PRPF3: variants seen among roughly 807,000 people sequenced by gnomAD.
PRPF3 encodes the protein U4/U6 small nuclear ribonucleoprotein Prp3.
Under a neutral mutation model 89.2 loss-of-function variants are expected in PRPF3, and 3 were observed. The observed-to-expected ratio is 0.03, with a 90% CI of 0.02 to 0.09. PRPF3 has a LOEUF of 0.09. Ranked by LOEUF, PRPF3 falls within the 10% of genes least tolerant of loss-of-function variation. PRPF3 has a pLI of 1.00. For synonymous variants in PRPF3, 270 were observed against 289.1 expected, an observed-to-expected ratio of 0.93 and a Z score of 0.67; for missense variants, 463 against 828.8, an observed-to-expected ratio of 0.56 and a Z score of 5.42.
chr1:150,353,173 A>ATT lies in PRPF3; in HGVS notation c.*195_*196insTT. The ATT allele has an allele frequency of 1.5e-6, 1 of 646,442 alleles. No homozygotes were observed. The highest frequency in any genetic ancestry group is 2.8e-5 in the East Asian group (1 of 35,698). The allele number at this position is 646,442 out of a possible 1,614,324, so 40.0% of individuals were successfully genotyped here. A position where few individuals can be genotyped will look rare whatever the true frequency, so the allele number is the denominator to read the frequency against. On this transcript the variant is annotated 3_prime_UTR_variant, in exon 16 of 16. Coordinates refer to ENST00000324862, the MANE Select transcript of PRPF3 (RefSeq NM_004698.4). Reference sequence around the variant, plus strand: ...TGCCCTTTATTCCCCTTATGTGCATATGATTAAAGAGTTATTTTTAAACTT... The same window carrying ATT: ...TGCCCTTTATTCCCCTTATGTGCATATTTGATTAAAGAGTTATTTTTAAACTT...
chr1:150,343,887 A>G (rs2102011361), intron 10 of PRPF3, among the ~76,000 whole-genome samples: 1 of 152,318 alleles, frequency 6.6e-6, no homozygotes, highest in South Asian at 2.1e-4. Context: ...AGATGCTGTG[A>G]TCAGTGTGAA....
At chr1:150,340,680 C>A (rs1657597146) in intron 9 of PRPF3, among the ~76,000 whole-genome samples, 1 of 151,996 alleles carries the variant, frequency 6.6e-6, no homozygotes, top group Non-Finnish European at 1.5e-5. Context: ...TATTCCTGTG[C>A]TTAGAATTTC....
rs1264565144 is a variant in PRPF3 at position 150,332,236 on chromosome 1, G to A, written c.424-448G>A. Among the ~76,000 whole-genome samples the A allele has an allele frequency of 1.5e-3, 224 of 150,318 alleles. 1 individual carries two copies. The highest frequency in any genetic ancestry group is 2.3e-3 in the African/African-American group (94 of 41,048). On this transcript the variant is annotated intron_variant, in intron 4 of 15. Coordinates refer to ENST00000324862, the MANE Select transcript of PRPF3 (RefSeq NM_004698.4). ...GAGACTCCATCTCAAAAAAAAAAAA[G>A]AAAATTAAGTATAATATTTTGTGTA...
intron 7 of PRPF3, among the ~76,000 whole-genome samples, chr1:150,337,679 G>A (rs1657181996): frequency 1.3e-5 from 2 of 151,488 alleles, no homozygotes; most frequent in Non-Finnish European, 2.9e-5. Context: ...TCGGGAGGCT[G>A]AGTCAGGAGA....
At chr1:150,341,400 A>ATTT (rs1169772517) in intron 9 of PRPF3, among the ~76,000 whole-genome samples, 1,390 of 101,728 alleles carry the variant, frequency 0.014, 40 homozygotes, top group East Asian at 0.036. Context: ...AGTTGCTTCT[A>ATTT]TTTTTTTTTT....
intron 3 of PRPF3, chr1:150,327,689 T>C (rs1560087350): frequency 1.1e-6 from 1 of 937,022 alleles, no homozygotes; most frequent in Non-Finnish European, 1.3e-6. Context: ...TCCCTTCCAG[T>C]TGGCCACTCT....
Position 150,325,763 on chromosome 1 carries a change from CT to C in PRPF3, c.162del (p.Asp56MetfsTer36). 6.2e-7 allele frequency: 1 copy of C among 1,613,030 alleles called. No individual in the cohort carries two copies. The highest frequency in any genetic ancestry group is 1.1e-5 in the South Asian group (1 of 91,022). On this transcript the variant is annotated frameshift_variant, in exon 3 of 16. Coordinates refer to ENST00000324862, the MANE Select transcript of PRPF3 (RefSeq NM_004698.4). LOFTEE classifies it high-confidence loss of function. ...DKKKAADHLKPFLDDSTLRFV... is the reference protein window; with the variant it reads ...DKKKAADHLKXFLDDSTLRFV... ...TTCTTCCTGTCAGATCATCTGAAAC[CT>C]TTTCTTGATGATTCTACTCTCCGAT... is the stretch of plus-strand genomic sequence containing the variant.
chr1:150,331,474 C>T (rs782099241), intron 4 of PRPF3, among the ~76,000 whole-genome samples: 52 of 152,168 alleles, frequency 3.4e-4, no homozygotes, highest in Non-Finnish European at 6.9e-4. Flanking sequence ...AAGCGCTTCT[C>T]CTGCCTCAGC....
At chr1:150,344,818 C>A (rs1553872484) in intron 12 of PRPF3, among the ~76,000 whole-genome samples, 1 of 151,502 alleles carries the variant, frequency 6.6e-6, no homozygotes, top group Non-Finnish European at 1.5e-5. Flanking sequence ...TTGTTCAGGC[C>A]AAGATGTGAA....
rs1553872985 is a variant in PRPF3 at position 150,346,502 on chromosome 1, G to T, written c.1843+11G>T. On this transcript the variant is annotated intron_variant, in intron 14 of 15. Transcript: ENST00000324862. Reference sequence around the variant, plus strand: ...ACACAAAGGGAGATGGTGAATGGGGGTTAGAGGGGATTAAGGGGGAGAGCT... The same window carrying T: ...ACACAAAGGGAGATGGTGAATGGGGTTTAGAGGGGATTAAGGGGGAGAGCT... 3.7e-6 allele frequency: 6 copies of T among 1,604,148 alleles called. No homozygotes were observed. The highest frequency in any genetic ancestry group is 2.2e-5 in the East Asian group (1 of 44,832).
At chr1:150,337,940 G>C (rs1211017538) in intron 7 of PRPF3, among the ~76,000 whole-genome samples, 1 of 152,000 alleles carries the variant, frequency 6.6e-6, no homozygotes, top group Non-Finnish European at 1.5e-5. Context: ...TGAGGGTGGT[G>C]GCACATGCCT....
intron 15 of PRPF3, among the ~76,000 whole-genome samples, chr1:150,352,132 G>A (rs1459061454): frequency 1.3e-5 from 2 of 151,910 alleles, no homozygotes; most frequent in South Asian, 4.2e-4. Flanking sequence ...TCTGTTCCCC[G>A]CCCCCAGTTG....
chr1:150,328,956 T>C (rs1656026461), intron 4 of PRPF3, among the ~76,000 whole-genome samples: 1 of 151,784 alleles, frequency 6.6e-6, no homozygotes, highest in Middle Eastern at 3.4e-3. Context: ...CCTCCCAGAG[T>C]GCTGGGATTA....
At chr1:150,336,280 C>T (rs1174969003) in intron 7 of PRPF3, among the ~76,000 whole-genome samples, 1 of 151,954 alleles carries the variant, frequency 6.6e-6, no homozygotes, top group African/African-American at 2.4e-5. Flanking sequence ...GGTTCGCGCT[C>T]CTCTGAGAAT....
chr1:150,337,511 G>A (rs1467773164), intron 7 of PRPF3, among the ~76,000 whole-genome samples: 2 of 152,050 alleles, frequency 1.3e-5, no homozygotes, highest in African/African-American at 4.8e-5. Context: ...AGAGTTCAAC[G>A]GGGAAGTGTT....
intron 1 of PRPF3, among the ~76,000 whole-genome samples, chr1:150,322,897 C>T (rs1553862540): frequency 6.8e-6 from 1 of 147,998 alleles, no homozygotes; most frequent in African/African-American, 2.5e-5. Flanking sequence ...TTCCCCGGGA[C>T]GGAGTCTTGC....
intron 8 of PRPF3, among the ~76,000 whole-genome samples, 171 bp downstream of exon 8, chr1:150,338,497 T>G (rs1553868901): frequency 4.6e-5 from 6 of 130,790 alleles, no homozygotes; most frequent in Admixed American, 3.9e-4. Flanking sequence ...AAGGTCCTGT[T>G]ATTTTTTTTT....
At position 150,346,040 on chromosome 1, in the gene PRPF3, G is replaced by C. The variant is rs781994066; in HGVS notation, c.1663G>C (p.Ala555Pro). 1 of 1,614,106 alleles carries C rather than the reference G, an allele frequency of 6.2e-7. No individual in the cohort carries two copies. The highest frequency in any genetic ancestry group is 8.5e-7 in the Non-Finnish European group (1 of 1,180,026). The change falls in exon 13 of 16, where the codon GCC becomes CCC. Residue 555 changes from alanine to proline, a missense_variant. Physicochemically the swap from Ala to Pro is conservative, Grantham distance 27. Transcript: ENST00000324862. ...CAGAGTTCGAAATTTGAGCAACCCA[G>C]CCAAGAAGTTCAAGATTGAAGCCAA... ...VYRVRNLSNP[A>P]KKFKIEANAG... is the part of the protein sequence containing the mutation.
chr1:150,346,469 G>T lies in PRPF3; in HGVS notation c.1821G>T (p.Gln607His), dbSNP rs1553872976. 1 of 1,613,654 alleles carries T rather than the reference G, an allele frequency of 6.2e-7. No individual in the cohort carries two copies. Among genetic ancestry groups the T allele is most frequent in the African/African-American group, 1.3e-5 (1 of 74,914 alleles). The part of the protein sequence containing the change: ...LMLHRIKWDE[Q>H]TSNTKGDDDE... ...TGCATCGGATAAAGTGGGATGAACAGACATCTAACACAAAGGGAGATGGTG... is the reference window on the plus strand; with the variant it reads ...TGCATCGGATAAAGTGGGATGAACATACATCTAACACAAAGGGAGATGGTG... Residue 607 changes from glutamine to histidine, a missense_variant, in exon 14 of 16, where the codon CAG (glutamine) becomes CAT (histidine). By Grantham distance (24) the Gln-to-His change is conservative. This residue lies in a region of PRPF3 where 78 missense variants were observed against 96.6 expected (regional missense o/e 0.81). Coordinates refer to ENST00000324862, the MANE Select transcript of PRPF3 (RefSeq NM_004698.4).
Sources: gnomAD v4.1 joint callset for allele counts (sites outside exome capture counted in the v4.1 genomes callset) on GRCh38, gnomAD v4.1.1 for gene constraint, gnomAD v4.1.1 regional missense constraint, MANE v1.5 for transcripts, NCBI Gene and HGNC (gene_info 2026-07-23, HGNC 2026-07-21) for gene names.